Variants in ARID2 observed in about 807,000 individuals in gnomAD.
ARID2 encodes the protein AT-rich interaction domain 2, also known as AT-rich interactive domain-containing protein 2.
In ARID2, 32 loss-of-function variants were observed where a neutral mutation model predicts 184.6. That is an observed-to-expected ratio of 0.17 (90% CI 0.13 to 0.23). The LOEUF is 0.23. ARID2 is among the 10% of genes least tolerant of loss of function. ARID2 has a pLI of 1.00. For synonymous variants in ARID2, 836 were observed against 772.6 expected, an observed-to-expected ratio of 1.08 and a Z score of -1.36; for missense variants, 1,696 against 2,197.6, an observed-to-expected ratio of 0.77 and a Z score of 4.56.
At chr12:45,891,460 T>A (rs1944300748) in intron 16 of ARID2, among the ~76,000 whole-genome samples, 1 of 152,182 alleles carries the variant, frequency 6.6e-6, no homozygotes, top group South Asian at 2.1e-4. Flanking sequence ...AACTGTTGGA[T>A]TGGATATGCT....
At chr12:45,819,930 G>C (rs567445492) in intron 5 of ARID2, among the ~76,000 whole-genome samples, 245 of 152,084 alleles carry the variant, frequency 1.6e-3, no homozygotes, top group African/African-American at 5.7e-3. Flanking sequence ...TTTTAGTAGA[G>C]ACAGGGTTTC....
rs35113 is a variant in ARID2, at chr12:45,866,159, A to G, written c.4922+5210A>G. On this transcript the variant is annotated intron_variant, in intron 16 of 20. Coordinates refer to ENST00000334344, the MANE Select transcript of ARID2 (RefSeq NM_152641.4). ...ATGTAATACTCATTAATATGACTAT[A>G]TATATATACTTTTTATGTCAATACA... Among the ~76,000 whole-genome samples, 391 of 152,010 alleles carry G rather than the reference A, an allele frequency of 2.6e-3. 3 individuals are homozygous for G. Among genetic ancestry groups the G allele is most frequent in the African/African-American group, 8.9e-3 (369 of 41,418 alleles).
At chr12:45,805,850 C>A (rs932852024) in intron 3 of ARID2, among the ~76,000 whole-genome samples, 1 of 152,064 alleles carries the variant, frequency 6.6e-6, no homozygotes, top group African/African-American at 2.4e-5. Context: ...TATATTAGAT[C>A]TTCTGAACTT....
At chr12:45,765,997 TC>T (rs1380549354) in intron 3 of ARID2, among the ~76,000 whole-genome samples, 1 of 152,178 alleles carries the variant, frequency 6.6e-6, no homozygotes, top group Non-Finnish European at 1.5e-5. Context: ...ATAGCAAAGT[TC>T]ATTTTTATTT....
chr12:45,773,010 CTG>C (rs1388325667), intron 3 of ARID2, among the ~76,000 whole-genome samples: 1 of 152,100 alleles, frequency 6.6e-6, no homozygotes, highest in African/African-American at 2.4e-5. Flanking sequence ...ATATGCAACA[CTG>C]TAAAAGAAAC....
At chr12:45,769,089 A>T (rs550032944) in intron 3 of ARID2, among the ~76,000 whole-genome samples, 3 of 152,328 alleles carry the variant, frequency 2.0e-5, no homozygotes, top group African/African-American at 7.2e-5. Context: ...GGGGCAATCA[A>T]TATCCAGAGT....
chr12:45,850,560 T>A lies in ARID2; in HGVS notation c.2437T>A (p.Ser813Thr), dbSNP rs761481393. The change falls in exon 15 of 21, where the codon TCT becomes ACT. Residue 813 changes from serine (S) to threonine (T), a missense_variant. By Grantham distance (58) the Ser-to-Thr change is moderately conservative. Around this residue, in one of 11 missense-constraint regions of ARID2, gnomAD observed 713 missense variants for 824.4 expected, o/e 0.86. Transcript: ENST00000334344. ...GRVQNIPACT[S>T]TVSQGQQLIT... ...AGTACAGAACATACCAGCATGTACT[T>A]CTACAGTTTCACAGGGTCAACAGTT... 4.3e-6 allele frequency: 7 copies of A among 1,613,956 alleles called. No individual in the cohort carries two copies. Among genetic ancestry groups the A allele is most frequent in the Non-Finnish European group, 5.1e-6 (6 of 1,179,992 alleles).
chr12:45,890,708 C>G (rs1944288340), intron 16 of ARID2, among the ~76,000 whole-genome samples: 1 of 151,882 alleles, frequency 6.6e-6, no homozygotes, highest in South Asian at 2.1e-4. Context: ...TATTTAATTA[C>G]TTTTTTGATT....
intron 3 of ARID2, among the ~76,000 whole-genome samples, chr12:45,806,237 C>G (rs1354156881): frequency 1.3e-5 from 2 of 151,260 alleles, no homozygotes; most frequent in African/African-American, 4.9e-5. Flanking sequence ...GATGGTGGTT[C>G]TGGATAGTTC....
intron 3 of ARID2, chr12:45,776,469 T>C (rs1471335208): frequency 6.6e-6 from 1 of 152,204 alleles, no homozygotes; most frequent in African/African-American, 2.4e-5. Flanking sequence ...TTGAGAAATA[T>C]TATTTCAAGG....
intron 3 of ARID2, among the ~76,000 whole-genome samples, chr12:45,747,469 A>AT (rs1181128048): frequency 9.6e-4 from 140 of 145,352 alleles, no homozygotes; most frequent in African/African-American, 9.8e-4. Context: ...GGGGTCAAGG[A>AT]TTTTTTTTTT....
rs766610841 is a variant in ARID2, at chr12:45,817,819, G to A, written c.568G>A (p.Val190Ile). The stretch of plus-strand genomic sequence containing the variant: ...TCTCCTATCAAATGAAAGCAAGCAC[G>A]TCATGCAACTTGAAAAAGATCCTAA... The part of the protein sequence containing the change: ...CTLLSNESKH[V>I]MQLEKDPKII... The change falls in exon 5 of 21, where the codon GTC (valine) becomes ATC (isoleucine). Residue 190 changes from valine to isoleucine, a missense_variant. Physicochemically the swap from Val to Ile is conservative, Grantham distance 29. Around this residue, in one of 11 missense-constraint regions of ARID2, gnomAD observed 148 missense variants for 285.4 expected, o/e 0.52. Transcript: ENST00000334344. The A allele has an allele frequency of 1.4e-5, 22 of 1,613,012 alleles. No individual in the cohort carries two copies. Among genetic ancestry groups the A allele is most frequent in the South Asian group, 5.5e-5 (5 of 91,050 alleles).
intron 3 of ARID2, among the ~76,000 whole-genome samples, chr12:45,733,066 T>G (rs1941033179): frequency 6.6e-6 from 1 of 152,212 alleles, no homozygotes; most frequent in African/African-American, 2.4e-5. Context: ...TAGAAGCTGC[T>G]TTTTGAACTA....
intron 3 of ARID2, among the ~76,000 whole-genome samples, chr12:45,810,112 C>A (rs1378177026): frequency 6.6e-6 from 1 of 152,088 alleles, no homozygotes; most frequent in Non-Finnish European, 1.5e-5. Context: ...TAGAACTTTT[C>A]TTTGGTAAAT....
At chr12:45,879,738 T>G (rs1296352494) in intron 16 of ARID2, among the ~76,000 whole-genome samples, 1 of 152,264 alleles carries the variant, frequency 6.6e-6, no homozygotes, top group Non-Finnish European at 1.5e-5. Context: ...AAACTGAAAG[T>G]CCTCATCATT....
At chr12:45,843,891 A>G (rs1371726346) in intron 11 of ARID2, among the ~76,000 whole-genome samples, 2 of 152,170 alleles carry the variant, frequency 1.3e-5, no homozygotes, top group Admixed American at 6.5e-5. Context: ...AAAAAGTCCA[A>G]TGTTGTTTTT....
At position 45,817,826 on chromosome 12, in the gene ARID2, A is replaced by G. The variant is rs1942833031; in HGVS notation, c.575A>G (p.Gln192Arg). Residue 192 changes from glutamine to arginine, a missense_variant, in exon 5 of 21, where the codon CAA becomes CGA. Around this residue, in one of 11 missense-constraint regions of ARID2, gnomAD observed 148 missense variants for 285.4 expected, o/e 0.52. Transcript: ENST00000334344. ...LLSNESKHVM[Q>R]LEKDPKIITL... ...TCAAATGAAAGCAAGCACGTCATGC[A>G]ACTTGAAAAAGATCCTAAAATCATC... The G allele has an allele frequency of 6.2e-7, 1 of 1,613,352 alleles. No individual in the cohort carries two copies.
Position 45,844,891 on chromosome 12 carries a change from C to T in ARID2, c.1499-1965C>T, listed in dbSNP as rs571456650. On this transcript the variant is annotated intron_variant, in intron 11 of 20. Transcript: ENST00000334344. ...TATCAAAGATGGGTGAGAATTAAGT[C>T]ATTTGATTCCAAAATGAGAGAAAAA... is the stretch of plus-strand genomic sequence containing the variant. Among the ~76,000 whole-genome samples the T allele has an allele frequency of 6.9e-4, 105 of 152,174 alleles. 1 individual carries two copies. Among genetic ancestry groups the T allele is most frequent in the African/African-American group, 2.1e-3 (87 of 41,526 alleles).
At chr12:45,753,191 G>A (rs997962951) in intron 3 of ARID2, among the ~76,000 whole-genome samples, 5 of 152,106 alleles carry the variant, frequency 3.3e-5, no homozygotes, top group Admixed American at 6.5e-5. Context: ...TGAACCCAGA[G>A]GCAGAGGTTG....
Sources: allele counts gnomAD v4.1 joint callset (sites outside exome capture counted in the v4.1 genomes callset), GRCh38; gene constraint gnomAD v4.1.1; regional missense constraint gnomAD v4.1.1; transcripts MANE v1.5; gene names NCBI Gene and HGNC (gene_info 2026-07-23, HGNC 2026-07-21).